The following INO80 variants were observed in gnomAD, a reference collection of about 807,000 sequenced individuals.
INO80 encodes chromatin-remodeling ATPase INO80.
In INO80, 20 loss-of-function variants were observed where a neutral mutation model predicts 203.4. The ratio of observed to expected loss-of-function variants is 0.10; its 90% confidence interval spans 0.07 to 0.14. The LOEUF (loss-of-function observed/expected upper bound fraction) is 0.14. Among genes scored for constraint, INO80 ranks in the 10% least tolerant of loss-of-function variants. INO80 has a pLI of 1.00. For synonymous variants in INO80, 726 were observed against 685.2 expected (o/e 1.06, Z -0.93); for missense variants, 1,419 against 1,914.4 (o/e 0.74, Z 4.83).
intron 25 of INO80, chr15:41,023,390 AG>A: frequency 3.2e-6 from 1 of 310,962 alleles, no homozygotes; most frequent in South Asian, 1.7e-5. Context: ...AAGTTTAAAA[AG>A]TAAGTCTAGA....
At chr15:41,021,416 T>C (rs1021205458) in intron 25 of INO80, among the ~76,000 whole-genome samples, 1 of 152,216 alleles carries the variant, frequency 6.6e-6, no homozygotes, top group African/African-American at 2.4e-5. Flanking sequence ...ATTATATGCA[T>C]ATATATCTGA....
chr15:41,058,556 T>C, intron 16 of INO80, 83 bp downstream of exon 16: 1 of 1,023,656 alleles, frequency 9.8e-7, no homozygotes, highest in Non-Finnish European at 1.4e-6. Flanking sequence ...CAAGTCTGTG[T>C]GTGTGTGTGT....
At chr15:41,041,108 G>C (rs924518696) in intron 24 of INO80, among the ~76,000 whole-genome samples, 13 of 152,102 alleles carry the variant, frequency 8.5e-5, no homozygotes, top group Non-Finnish European at 1.9e-4. Context: ...GTCACTCTCC[G>C]AGGCTCAGAG....
Position 41,028,993 on chromosome 15 carries a change from T to C in INO80, c.2908-1257A>G, listed in dbSNP as rs557976477. 5.4e-4 allele frequency among the ~76,000 whole-genome samples: 83 copies of C among 152,370 alleles called. 2 individuals are homozygous for C. The highest frequency in any genetic ancestry group is 1.9e-3 in the African/African-American group (79 of 41,598). On this transcript the variant is annotated intron_variant, in intron 24 of 35. Coordinates refer to ENST00000648947, the MANE Select transcript of INO80 (RefSeq NM_017553.3). ...GGGACATGGTGTTCTATATAAGAAA[T>C]GCAGAAGTTCCTTCCTCAGTATGTT...
chr15:41,060,904 T>C (rs957247192), intron 14 of INO80, among the ~76,000 whole-genome samples: 1 of 152,182 alleles, frequency 6.6e-6, no homozygotes, highest in Admixed American at 6.5e-5. Context: ...ATGTCTGGCA[T>C]AGCATTAAAA....
At chr15:41,079,421 TA>T (rs1430026357) in intron 9 of INO80, among the ~76,000 whole-genome samples, 1 of 151,968 alleles carries the variant, frequency 6.6e-6, no homozygotes, top group Non-Finnish European at 1.5e-5. Context: ...ACCAAAAGAC[TA>T]AAAGCAGAAT....
intron 24 of INO80, among the ~76,000 whole-genome samples, chr15:41,032,591 C>G (rs2044506953): frequency 6.6e-6 from 1 of 152,136 alleles, no homozygotes; most frequent in African/African-American, 2.4e-5. Context: ...TCAAAAAACT[C>G]TAAGGATTTA....
chr15:40,993,371 G>A (rs2043840001), intron 29 of INO80, among the ~76,000 whole-genome samples: 1 of 152,016 alleles, frequency 6.6e-6, no homozygotes, highest in Non-Finnish European at 1.5e-5. Context: ...GAGAAGAAGA[G>A]AAACATACTT....
At position 41,016,168 on chromosome 15, in the gene INO80, C is replaced by G; in HGVS notation, c.3322G>C (p.Val1108Leu). 1 of 1,613,708 alleles carries G rather than the reference C, an allele frequency of 6.2e-7. No individual in the cohort carries two copies. The highest frequency in any genetic ancestry group is 8.5e-7 in the Non-Finnish European group (1 of 1,179,688). ...TDSGKLYALD[V>L]LLTRLKSQGH... ...TGAGACTTGAGCCGAGTCAGCAGGA[C>G]ATCAAGGGCATACAGCTTTCCACTG... Residue 1108 changes from valine (V) to leucine (L), a missense_variant, in exon 27 of 36, where the codon GTC becomes CTC. This residue lies in a region of INO80 where 302 missense variants were observed against 345.4 expected (regional missense o/e 0.87). Coordinates refer to ENST00000648947, the MANE Select transcript of INO80 (RefSeq NM_017553.3).
chr15:40,984,417 G>A (rs1318446676), intron 32 of INO80, 65 bp from the exon 33 acceptor site: 15 of 1,442,932 alleles, frequency 1.0e-5, no homozygotes, highest in Non-Finnish European at 1.4e-5. Context: ...AGCGGGATTT[G>A]GGAAGAAAAG....
chr15:41,083,214 G>A (rs1253212018), intron 7 of INO80, among the ~76,000 whole-genome samples: 1 of 149,832 alleles, frequency 6.7e-6, no homozygotes, highest in Non-Finnish European at 1.5e-5. Context: ...GAACCCGGGA[G>A]GCGGAGCTTG....
chr15:41,029,836 A>G (rs1252960881), intron 24 of INO80, among the ~76,000 whole-genome samples: 1 of 152,246 alleles, frequency 6.6e-6, no homozygotes, highest in Non-Finnish European at 1.5e-5. Context: ...TTGTTTCCTG[A>G]AAGTGCATTT....
At chr15:41,023,941 T>A (rs1003875194) in intron 25 of INO80, among the ~76,000 whole-genome samples, 32 of 152,034 alleles carry the variant, frequency 2.1e-4, no homozygotes, top group African/African-American at 7.5e-4. Flanking sequence ...ACATAAAGAC[T>A]CTGGGCTCAT....
intron 29 of INO80, among the ~76,000 whole-genome samples, chr15:40,993,853 C>T (rs1455481720): frequency 6.6e-6 from 1 of 152,134 alleles, no homozygotes; most frequent in African/African-American, 2.4e-5. Flanking sequence ...GGTGATATTG[C>T]CACTTAACCT....
Position 41,058,984 on chromosome 15 carries a change from C to G in INO80, c.1843-203G>C, listed in dbSNP as rs775687102. Among the ~76,000 whole-genome samples the G allele has an allele frequency of 2.6e-5, 4 of 152,102 alleles. No homozygotes were observed. In the East Asian group the frequency reaches 7.7e-4, roughly 29 times the overall value. On this transcript the variant is annotated intron_variant, in intron 15 of 35. Transcript: ENST00000648947. ...TTTTGCTGTTGTTGAGAGGGTCTCA[C>G]TCCGTTACCCAGACTAGAGTCCAGC...
chr15:41,004,792 C>T (rs1388518886), intron 28 of INO80: 1 of 152,202 alleles, frequency 6.6e-6, no homozygotes, highest in African/African-American at 2.4e-5. Context: ...TCATAAGGCA[C>T]TGTACTGCTA....
chr15:41,091,933 T>G, intron 5 of INO80, 94 bp downstream of exon 5: 85 of 1,062,840 alleles, frequency 8.0e-5, no homozygotes, highest in Non-Finnish European at 1.1e-4. Flanking sequence ...ATTATAGGTG[T>G]GAGCCACCAC....
At chr15:41,097,585 G>A (rs888023232) in intron 1 of INO80, among the ~76,000 whole-genome samples, 1 of 151,242 alleles carries the variant, frequency 6.6e-6, no homozygotes, top group Non-Finnish European at 1.5e-5. Flanking sequence ...TGATTCTCCT[G>A]CCTCAGGCTC....
At chr15:41,056,810 T>C in intron 16 of INO80, 104 bp from the exon 17 acceptor site, 2 of 858,078 alleles carry the variant, frequency 2.3e-6, no homozygotes, top group Non-Finnish European at 1.9e-6. Context: ...AAAACTAACA[T>C]TCAGAATCAA....
Sources: allele counts gnomAD v4.1 joint callset (sites outside exome capture counted in the v4.1 genomes callset), GRCh38; gene constraint gnomAD v4.1.1; regional missense constraint gnomAD v4.1.1; transcripts MANE v1.5; gene names NCBI Gene and HGNC (gene_info 2026-07-23, HGNC 2026-07-21).